NKAIN2: variants seen among roughly 807,000 people sequenced by gnomAD.
NKAIN2 encodes sodium/potassium transporting ATPase interacting 2.
In NKAIN2, 14 loss-of-function variants were observed where a neutral mutation model predicts 32.6. The observed-to-expected ratio is 0.43, with a 90% CI of 0.28 to 0.67. NKAIN2 has a LOEUF of 0.67. NKAIN2 is among the 30% of genes least tolerant of loss of function. The pLI is 0.17. For missense variants in NKAIN2, 198 were observed against 258.3 expected (o/e 0.77, Z 1.60); for synonymous variants, 80 against 87.2 (o/e 0.92, Z 0.46).
intron 1 of NKAIN2, among the ~76,000 whole-genome samples, chr6:124,239,718 C>G (rs1277544506): frequency 6.6e-6 from 1 of 152,100 alleles, no homozygotes; most frequent in Non-Finnish European, 1.5e-5. Context: ...ACACAATGTA[C>G]TAGAATCTCT....
At chr6:124,108,205 T>C (rs1358813713) in intron 1 of NKAIN2, among the ~76,000 whole-genome samples, 1 of 152,122 alleles carries the variant, frequency 6.6e-6, no homozygotes, top group African/African-American at 2.4e-5. Flanking sequence ...TTCTTGGTAA[T>C]AGACATCCTA....
intron 1 of NKAIN2, among the ~76,000 whole-genome samples, chr6:123,820,757 A>G (rs1773888832): frequency 6.6e-6 from 1 of 152,108 alleles, no homozygotes; most frequent in Admixed American, 6.5e-5. Flanking sequence ...ATTAATTGGG[A>G]TATTGTTGCC....
intron 1 of NKAIN2, among the ~76,000 whole-genome samples, chr6:124,067,525 T>A (rs1293137408): frequency 1.3e-5 from 2 of 152,180 alleles, no homozygotes; most frequent in Non-Finnish European, 2.9e-5. Flanking sequence ...ATTACCACAT[T>A]ACAATAAGAA....
chr6:124,290,850 A>G (rs1241393316), intron 2 of NKAIN2, among the ~76,000 whole-genome samples: 1 of 152,012 alleles, frequency 6.6e-6, no homozygotes, highest in Non-Finnish European at 1.5e-5. Flanking sequence ...ATATTTGACC[A>G]TCACTATCTG....
chr6:124,555,459 A>G (rs1241171796), intron 3 of NKAIN2, among the ~76,000 whole-genome samples: 1 of 152,232 alleles, frequency 6.6e-6, no homozygotes, highest in African/African-American at 2.4e-5. Context: ...ACTCTATGAT[A>G]TACTTGGCAA....
chr6:124,240,603 A>T (rs943927354), intron 1 of NKAIN2, among the ~76,000 whole-genome samples: 4 of 152,262 alleles, frequency 2.6e-5, no homozygotes, highest in Admixed American at 2.6e-4. Context: ...ACACTAATCA[A>T]TAAACATAAT....
chr6:124,043,038 T>G (rs559838071), intron 1 of NKAIN2, among the ~76,000 whole-genome samples: 7 of 152,074 alleles, frequency 4.6e-5, no homozygotes, highest in Non-Finnish European at 8.8e-5. Flanking sequence ...AAAATATCTG[T>G]TTTTCTCTTA....
chr6:124,792,675 A>G (rs1365549241), intron 5 of NKAIN2, among the ~76,000 whole-genome samples: 2 of 152,120 alleles, frequency 1.3e-5, no homozygotes, highest in Non-Finnish European at 2.9e-5. Context: ...AACAGTTTTG[A>G]GCTTGATCTA....
chr6:123,819,068 C>T (rs957952654), intron 1 of NKAIN2, among the ~76,000 whole-genome samples: 6 of 152,064 alleles, frequency 3.9e-5, no homozygotes, highest in Non-Finnish European at 5.9e-5. Flanking sequence ...GTGTTAACTT[C>T]GTCAGGTGTT....
At chr6:123,868,689 C>G (rs1405444481) in intron 1 of NKAIN2, among the ~76,000 whole-genome samples, 1 of 152,098 alleles carries the variant, frequency 6.6e-6, no homozygotes, top group Non-Finnish European at 1.5e-5. Flanking sequence ...TGAATATAGG[C>G]AAAGAGAGAA....
At chr6:124,775,938 G>C (rs912984348) in intron 4 of NKAIN2, among the ~76,000 whole-genome samples, 11 of 152,144 alleles carry the variant, frequency 7.2e-5, no homozygotes, top group Admixed American at 6.5e-4. Context: ...AAGGCCAAGG[G>C]CAGCAACAAA....
chr6:123,911,134 A>G (rs1007863876), intron 1 of NKAIN2, among the ~76,000 whole-genome samples: 2 of 152,164 alleles, frequency 1.3e-5, no homozygotes, highest in Non-Finnish European at 1.5e-5. Flanking sequence ...CTCTAACTAC[A>G]AGGAATATGT....
intron 1 of NKAIN2, among the ~76,000 whole-genome samples, chr6:123,886,557 T>C (rs1773723430): frequency 6.6e-6 from 1 of 152,138 alleles, no homozygotes; most frequent in Admixed American, 6.6e-5. Context: ...AACAAGCATG[T>C]TAATTATACT....
At chr6:124,573,979 G>T (rs140904306) in intron 3 of NKAIN2, among the ~76,000 whole-genome samples, 1 of 152,282 alleles carries the variant, frequency 6.6e-6, no homozygotes, top group African/African-American at 2.4e-5. Flanking sequence ...ACAAAAGGTA[G>T]ATATAACCAG....
chr6:124,130,768 A>G (rs557021684), intron 1 of NKAIN2, among the ~76,000 whole-genome samples: 10 of 152,286 alleles, frequency 6.6e-5, no homozygotes, highest in African/African-American at 2.2e-4. Context: ...AATTGTGTTT[A>G]TGTAAAAATG....
intron 1 of NKAIN2, among the ~76,000 whole-genome samples, chr6:124,164,542 G>T (rs769468485): frequency 3.9e-5 from 6 of 151,980 alleles, no homozygotes; most frequent in Non-Finnish European, 7.4e-5. Context: ...TATAGGTGGT[G>T]GTGTCTAATT....
intron 5 of NKAIN2, among the ~76,000 whole-genome samples, chr6:124,817,095 T>C (rs1455077967): frequency 6.6e-6 from 1 of 152,142 alleles, no homozygotes; most frequent in East Asian, 1.9e-4. Flanking sequence ...ATTCCAAGAC[T>C]GAGCTGACTC....
intron 3 of NKAIN2, among the ~76,000 whole-genome samples, chr6:124,472,332 A>G (rs1777007831): frequency 6.6e-6 from 1 of 152,204 alleles, no homozygotes; most frequent in African/African-American, 2.4e-5. Flanking sequence ...ATATAAATGA[A>G]GAGTTACAAT....
intron 1 of NKAIN2, among the ~76,000 whole-genome samples, chr6:123,882,641 C>G (rs1773504679): frequency 6.6e-6 from 1 of 152,016 alleles, no homozygotes; most frequent in Non-Finnish European, 1.5e-5. Context: ...AAAAATATTT[C>G]TTCCAATAAA....
Sources: allele counts gnomAD v4.1 joint callset (sites outside exome capture counted in the v4.1 genomes callset), GRCh38; gene constraint gnomAD v4.1.1; transcripts MANE v1.5; gene names NCBI Gene and HGNC (gene_info 2026-07-23, HGNC 2026-07-21).